The following TNNI3K variants were observed in gnomAD, a reference collection of about 807,000 sequenced individuals.
The protein encoded by TNNI3K is serine/threonine-protein kinase TNNI3K.
A neutral mutation model predicts 114.5 loss-of-function variants in TNNI3K; 140 were observed. The ratio of observed to expected loss-of-function variants is 1.22; its 90% CI spans 1.07 to 1.41. TNNI3K has a LOEUF of 1.41. TNNI3K is among the 40% of genes most tolerant of loss of function. The probability of loss-of-function intolerance (pLI) is 0.00; values close to 1 mark genes in which losing one functional copy is unlikely to be tolerated. For missense variants in TNNI3K, 1,125 were observed against 1,007.6 expected (o/e 1.12, Z -1.58); for synonymous variants, 347 against 347.5 (o/e 1.00, Z 0.02).
chr1:74,543,888 A>G lies in TNNI3K; in HGVS notation c.2432-18A>G, dbSNP rs765880838. The G allele has an allele frequency of 6.2e-7, 1 of 1,613,302 alleles. No individual in the cohort carries two copies. The highest frequency in any genetic ancestry group is 8.5e-7 in the Non-Finnish European group (1 of 1,179,682). ...TGAAAGACTAGTAAGTAACAACTGA[A>G]CTTCTTTTCTGATGCAGGCTATGTA... is the stretch of plus-strand genomic sequence containing the variant. On this transcript the variant is annotated intron_variant, in intron 24 of 24. Coordinates refer to ENST00000326637, the MANE Select transcript of TNNI3K (RefSeq NM_015978.3).
At chr1:74,419,561 G>A (rs1665295276) in intron 17 of TNNI3K, among the ~76,000 whole-genome samples, 1 of 152,016 alleles carries the variant, frequency 6.6e-6, no homozygotes, top group Non-Finnish European at 1.5e-5. Flanking sequence ...GAATTTGTGT[G>A]TATGTGTGTT....
At chr1:74,373,468 T>A (rs1662718291) in intron 17 of TNNI3K, 2 of 151,848 alleles carry the variant, frequency 1.3e-5, no homozygotes, top group African/African-American at 4.8e-5. Context: ...ATTGACATGG[T>A]GTGTTTATAT....
chr1:74,358,188 C>T lies in TNNI3K; in HGVS notation c.1177+4059C>T, dbSNP rs188572611. Among the ~76,000 whole-genome samples the T allele has an allele frequency of 3.3e-5, 5 of 152,134 alleles. No homozygotes were observed. In the East Asian group the frequency reaches 7.7e-4, roughly 24 times the overall value. On this transcript the variant is annotated intron_variant, in intron 11 of 24. Coordinates refer to ENST00000326637, the MANE Select transcript of TNNI3K (RefSeq NM_015978.3). The stretch of plus-strand genomic sequence containing the variant: ...GAAACAGAACTAAAAACTTCTTATT[C>T]GTTTCAGTACTGACACCAGTTAAAG...
intron 4 of TNNI3K, among the ~76,000 whole-genome samples, chr1:74,258,453 C>T (rs577933915): frequency 4.5e-4 from 68 of 152,184 alleles, no homozygotes; most frequent in Non-Finnish European, 8.4e-4. Context: ...ATATCTTTCT[C>T]TTAAAGGACA....
intron 21 of TNNI3K, among the ~76,000 whole-genome samples, chr1:74,478,933 C>G (rs1005849430): frequency 6.6e-6 from 1 of 152,176 alleles, no homozygotes; most frequent in Admixed American, 6.5e-5. Flanking sequence ...ATTTTCCTAA[C>G]ATTTGAATTT....
At chr1:74,480,752 GT>G (rs1408690435) in intron 21 of TNNI3K, 1 of 717,390 alleles carries the variant, frequency 1.4e-6, no homozygotes, top group African/African-American at 1.7e-5. Flanking sequence ...CTTGCTGAAG[GT>G]GTGATCAGTG....
chr1:74,446,160 T>G lies in TNNI3K; in HGVS notation c.2011+6538T>G, dbSNP rs545984311. ...AACTAGTTTACAGTCCCACCAACAG[T>G]GTAAAAGTGTTCCTGTTTCTCCACA... is the stretch of plus-strand genomic sequence containing the variant. On this transcript the variant is annotated intron_variant, in intron 20 of 24. Coordinates refer to ENST00000326637, the MANE Select transcript of TNNI3K (RefSeq NM_015978.3). Among the ~76,000 whole-genome samples the G allele has an allele frequency of 8.5e-3, 1,299 of 152,214 alleles. 19 individuals are homozygous for G. Among genetic ancestry groups the G allele is most frequent in the African/African-American group, 0.029 (1,223 of 41,510 alleles).
chr1:74,522,315 C>G (rs893737913), intron 23 of TNNI3K, among the ~76,000 whole-genome samples: 1 of 152,062 alleles, frequency 6.6e-6, no homozygotes, highest in Non-Finnish European at 1.5e-5. Flanking sequence ...ATGCAGCTGC[C>G]GCAAATGTGC....
At chr1:74,463,753 C>A (rs539198787) in intron 21 of TNNI3K, among the ~76,000 whole-genome samples, 1 of 152,156 alleles carries the variant, frequency 6.6e-6, no homozygotes, top group Non-Finnish European at 1.5e-5. Flanking sequence ...GATTTTGAAA[C>A]GTTTCTCACA....
intron 20 of TNNI3K, among the ~76,000 whole-genome samples, chr1:74,444,259 C>T (rs141760094): frequency 6.6e-5 from 10 of 152,258 alleles, no homozygotes; most frequent in South Asian, 2.1e-4. Flanking sequence ...GTCAAGAAGA[C>T]CACATTGTCT....
At position 74,367,244 on chromosome 1, in the gene TNNI3K, C is replaced by G. The variant is rs1253910760; in HGVS notation, c.1178-12C>G. Reference sequence around the variant, plus strand: ...ATTTAGGACTCTTTGTTCTTTGTATCTTTTCATAAAGGGCATGATGCCATT... The same window carrying G: ...ATTTAGGACTCTTTGTTCTTTGTATGTTTTCATAAAGGGCATGATGCCATT... On this transcript the variant is annotated splice_polypyrimidine_tract_variant and intron_variant, in intron 11 of 24. Coordinates refer to ENST00000326637, the MANE Select transcript of TNNI3K (RefSeq NM_015978.3). 6.2e-7 allele frequency: 1 copy of G among 1,609,872 alleles called. No individual in the cohort carries two copies. The highest frequency in any genetic ancestry group is 2.2e-5 in the East Asian group (1 of 44,786).
intron 21 of TNNI3K, chr1:74,483,404 T>C (rs1668599478): frequency 2.8e-6 from 2 of 712,996 alleles, no homozygotes; most frequent in Non-Finnish European, 2.6e-6. Context: ...GCAATGTATA[T>C]CATAATGTTG....
Position 74,544,058 on chromosome 1 carries a change from T to G in TNNI3K, c.*76T>G. On this transcript the variant is annotated 3_prime_UTR_variant, in exon 25 of 25. Transcript: ENST00000326637. ...CGATTCCAACCACGGCAAGCTGGCT[T>G]CCAACTATAACATTTTACTCTCAAA... The G allele has an allele frequency of 6.6e-7, 1 of 1,516,744 alleles. No homozygotes were observed. Among genetic ancestry groups the G allele is most frequent in the Non-Finnish European group, 9.0e-7 (1 of 1,115,142 alleles). The allele number at this position is 1,516,744 out of a possible 1,614,324, so 94.0% of individuals were successfully genotyped here.
intron 17 of TNNI3K, among the ~76,000 whole-genome samples, chr1:74,392,065 A>C (rs1663816052): frequency 6.9e-6 from 1 of 144,530 alleles, no homozygotes; most frequent in African/African-American, 2.6e-5. Context: ...TCCCGGGTTC[A>C]CGCCATTCTC....
At chr1:74,497,050 G>T (rs1393185935) in intron 23 of TNNI3K, among the ~76,000 whole-genome samples, 2 of 152,154 alleles carry the variant, frequency 1.3e-5, no homozygotes, top group African/African-American at 4.8e-5. Flanking sequence ...CACTACAAAA[G>T]GGTCCATCAA....
intron 17 of TNNI3K, chr1:74,374,837 G>A (rs1410489871): frequency 6.6e-6 from 1 of 151,906 alleles, no homozygotes; most frequent in Non-Finnish European, 1.5e-5. Context: ...TTCATTTTGT[G>A]GCATTGGAGT....
At chr1:74,433,986 C>G (rs964552084) in intron 17 of TNNI3K, among the ~76,000 whole-genome samples, 3 of 152,008 alleles carry the variant, frequency 2.0e-5, no homozygotes, top group Non-Finnish European at 4.4e-5. Flanking sequence ...CCCAGATAGG[C>G]TCCCAGATAT....
rs534366768 is a variant in TNNI3K, at chr1:74,507,183, T to TGCAAATA, written c.2351+14918_2351+14924dup. ...CTTTAAATATAGGTCCAGGAAAATTTGCAAATATCACACATGATGAGCAGT... is the reference window on the plus strand; with the variant it reads ...CTTTAAATATAGGTCCAGGAAAATTTGCAAATAGCAAATATCACACATGATGAGCAGT... On this transcript the variant is annotated intron_variant, in intron 23 of 24. Coordinates refer to ENST00000326637, the MANE Select transcript of TNNI3K (RefSeq NM_015978.3). Among the ~76,000 whole-genome samples the TGCAAATA allele has an allele frequency of 1.1e-3, 168 of 151,642 alleles. 1 individual carries two copies. The highest frequency in any genetic ancestry group is 2.0e-3 in the Non-Finnish European group (133 of 67,938).
At chr1:74,396,034 A>G (rs1664060010) in intron 17 of TNNI3K, among the ~76,000 whole-genome samples, 1 of 152,180 alleles carries the variant, frequency 6.6e-6, no homozygotes, top group Non-Finnish European at 1.5e-5. Flanking sequence ...TCTTTGTTGG[A>G]TTAGTGAATT....
Sources: gnomAD v4.1 joint callset for allele counts (sites outside exome capture counted in the v4.1 genomes callset) on GRCh38, gnomAD v4.1.1 for gene constraint, MANE v1.5 for transcripts, NCBI Gene and HGNC (gene_info 2026-07-23, HGNC 2026-07-21) for gene names.